DOC2A: variants seen among roughly 807,000 people sequenced by gnomAD.
The protein encoded by DOC2A is double C2 domain alpha, also known as double C2-like domain-containing protein alpha.
A neutral mutation model predicts 40.6 loss-of-function variants in DOC2A; 28 were observed. The observed-to-expected ratio is 0.69, with a 90% CI of 0.51 to 0.95. The LOEUF (loss-of-function observed/expected upper bound fraction) is 0.95, where lower values mean the gene tolerates loss of function less well. DOC2A is among the 40% of genes least tolerant of loss of function. DOC2A has a pLI of 0.00. For synonymous variants in DOC2A, 241 were observed against 236.9 expected, an observed-to-expected ratio of 1.02 and a Z score of -0.16; for missense variants, 474 against 552.5, an observed-to-expected ratio of 0.86 and a Z score of 1.42.
rs2070719734 is a variant in DOC2A at position 30,009,634 on chromosome 16, CTG to C, written c.263-79_263-78del. ...AGAGGCCAGCAGGTGGGCACTGGCT[CTG>C]TGTGTCTCTCTCTCTTGCCAGCCCG... is the stretch of plus-strand genomic sequence containing the variant. On this transcript the variant is annotated intron_variant, in intron 2 of 10. Transcript: ENST00000350119. The surrounding 1 kb of genome is among the most constrained non-coding windows in gnomAD (Gnocchi z 4.1). 2 of 1,286,004 alleles carry C rather than the reference CTG, an allele frequency of 1.6e-6. No homozygotes were observed. Among genetic ancestry groups the C allele is most frequent in the South Asian group, 1.3e-5 (1 of 78,784 alleles). The allele number at this position is 1,286,004 out of a possible 1,614,324, so 79.7% of individuals were successfully genotyped here.
Position 30,006,678 on chromosome 16 carries a change from C to G in DOC2A, c.879-1G>C. The G allele has an allele frequency of 1.2e-6, 2 of 1,613,716 alleles. No individual in the cohort carries two copies. The highest frequency in any genetic ancestry group is 1.7e-6 in the Non-Finnish European group (2 of 1,179,958). On this transcript the variant is annotated splice_acceptor_variant, in intron 8 of 10. Coordinates refer to ENST00000350119, the MANE Select transcript of DOC2A (RefSeq NM_003586.3). LOFTEE classifies it high-confidence loss of function. The surrounding 1 kb of genome is among the most constrained non-coding windows in gnomAD (Gnocchi z 6.2). ...CTTGTCCACATCGGGCCTCAGGTAC[C>G]TGGGGGTGGGGTGGAGGGAGACGAA...
At chr16:30,016,372 C>T (rs1018538244), upstream of DOC2A, among the ~76,000 whole-genome samples, 1 of 151,988 alleles carries the variant, frequency 6.6e-6, no homozygotes, top group Non-Finnish European at 1.5e-5. Flanking sequence ...TAAAGGCAAC[C>T]GTTAGGTTTC....
At chr16:30,013,615 A>AAAAAAAAAT (rs2070821067), upstream of DOC2A, 1 of 85,886 alleles carries the variant, frequency 1.2e-5, no homozygotes, top group Non-Finnish European at 3.0e-5. Context: ...AAAAAAAAAA[A>AAAAAAAAAT]AAAAAAAAAA....
Position 30,006,641 on chromosome 16 carries a change from A to G in DOC2A, c.915T>C (p.His305=). Residue 305 remains histidine, a synonymous_variant, in exon 9 of 11, where the codon CAT becomes CAC. Transcript: ENST00000350119. The surrounding 1 kb of genome is among the most constrained non-coding windows in gnomAD (Gnocchi z 6.2). ...GAGTCTTCTTCTTCACACACGTCTT[A>G]TGCTTGGATTTCTTGTCCACATCGG... ...LRPDVDKKSK[H]KTCVKKKTLN... 2 of 1,613,262 alleles carry G rather than the reference A, an allele frequency of 1.2e-6. No homozygotes were observed. Among genetic ancestry groups the G allele is most frequent in the Non-Finnish European group, 1.7e-6 (2 of 1,179,882 alleles).
chr16:30,008,903 T>C (rs2070695906), intron 5 of DOC2A, 93 bp downstream of exon 5: 7 of 884,676 alleles, frequency 7.9e-6, no homozygotes, highest in Middle Eastern at 3.2e-4. Flanking sequence ...ATCAGAGAGG[T>C]ACGGGCTTAA....
intron 1 of DOC2A, among the ~76,000 whole-genome samples, chr16:30,019,494 C>A (rs1490874427): frequency 6.6e-6 from 1 of 152,132 alleles, no homozygotes; most frequent in East Asian, 1.9e-4. Context: ...TGGAGTCCAG[C>A]CAGTGCGTAG....
chr16:30,009,421 C>T lies in DOC2A; in HGVS notation c.342+57G>A. 13 of 1,531,194 alleles carry T rather than the reference C, an allele frequency of 8.5e-6. No homozygotes were observed. The highest frequency in any genetic ancestry group is 1.2e-5 in the Non-Finnish European group (13 of 1,129,610). The allele number at this position is 1,531,194 out of a possible 1,614,324, so 94.9% of individuals were successfully genotyped here. A position where few individuals can be genotyped will look rare whatever the true frequency, so the allele number is the denominator to read the frequency against. On this transcript the variant is annotated intron_variant, in intron 3 of 10. Coordinates refer to ENST00000350119, the MANE Select transcript of DOC2A (RefSeq NM_003586.3). This position sits in a 1 kb window ranked among gnomAD's most constrained non-coding sequence, Gnocchi z 4.1. Reference sequence around the variant, plus strand: ...CCTGGGAAGGGAAGGAGGAATGGGCCCCCTCTGGGGGCTGCACGCAAACCG... The same window carrying T: ...CCTGGGAAGGGAAGGAGGAATGGGCTCCCTCTGGGGGCTGCACGCAAACCG...
rs1212381611 is a variant in DOC2A at position 30,007,054 on chromosome 16, C to T, written c.691G>A (p.Gly231Ser). The change falls in exon 7 of 11, where the codon GGC becomes AGC. Residue 231 changes from glycine (G) to serine (S), a missense_variant. Physicochemically the swap from Gly to Ser is moderately conservative, Grantham distance 56 (BLOSUM62 0). Coordinates refer to ENST00000350119, the MANE Select transcript of DOC2A (RefSeq NM_003586.3). Reference sequence around the variant, plus strand: ...ACCTCCTTCAGATAACAGGAGATGCCCCTCAGCGCCGCTGACATGGAAGAG... The same window carrying T: ...ACCTCCTTCAGATAACAGGAGATGCTCCTCAGCGCCGCTGACATGGAAGAG... ...SPSSMSAALR[G>S]ISCYLKELEQ... 2 of 1,613,898 alleles carry T rather than the reference C, an allele frequency of 1.2e-6. No individual in the cohort carries two copies. Among genetic ancestry groups the T allele is most frequent in the Non-Finnish European group, 8.5e-7 (1 of 1,179,952 alleles).
chr16:30,017,808 T>A, intron 1 of DOC2A, among the ~76,000 whole-genome samples: 1 of 148,116 alleles, frequency 6.8e-6, no homozygotes, highest in Non-Finnish European at 1.5e-5. Flanking sequence ...AATACAAAAA[T>A]AATTAAGTGG....
At position 30,006,995 on chromosome 16, in the gene DOC2A, AC is replaced by A; in HGVS notation, c.714+35del. ...TCAGCCTGGGCCCCTGCAGCCTCCC[AC>A]CCACATGCATCCCCATCCCCATGAG... On this transcript the variant is annotated intron_variant, in intron 7 of 10. Transcript: ENST00000350119. This position sits in a 1 kb window ranked among gnomAD's most constrained non-coding sequence, Gnocchi z 6.2. 1 of 1,613,332 alleles carries A rather than the reference AC, an allele frequency of 6.2e-7. No homozygotes were observed. Among genetic ancestry groups the A allele is most frequent in the Non-Finnish European group, 8.5e-7 (1 of 1,179,720 alleles).
At chr16:30,018,484 C>A (rs2070879358) in intron 1 of DOC2A, among the ~76,000 whole-genome samples, 2 of 152,016 alleles carry the variant, frequency 1.3e-5, no homozygotes, top group South Asian at 4.1e-4. Flanking sequence ...CCGAACCTGG[C>A]CTAACAGGTC....
chr16:30,016,165 C>T (rs1205270601), upstream of DOC2A, among the ~76,000 whole-genome samples: 1 of 146,374 alleles, frequency 6.8e-6, no homozygotes, highest in Non-Finnish European at 1.5e-5. Context: ...GTTCAAGCCT[C>T]AGCCTCCCAA....
At position 30,006,084 on chromosome 16, in the gene DOC2A, A is replaced by G. The variant is rs1417413180; in HGVS notation, c.*102T>C. The G allele has an allele frequency of 2.2e-6, 3 of 1,356,142 alleles. No homozygotes were observed. The highest frequency in any genetic ancestry group is 3.0e-6 in the Non-Finnish European group (3 of 1,009,356). The allele number at this position is 1,356,142 out of a possible 1,614,324, so 84.0% of individuals were successfully genotyped here. On this transcript the variant is annotated 3_prime_UTR_variant, in exon 11 of 11. Transcript: ENST00000350119. The surrounding 1 kb of genome is among the most constrained non-coding windows in gnomAD (Gnocchi z 6.2). The stretch of plus-strand genomic sequence containing the variant: ...GGAGACTCACAAAAATAGGTAGTGC[A>G]GGGTGGGGGCAGCCCACCCTGTGTA...
In DOC2A at chr16:30,006,496, T is replaced by G. The variant is rs2070595150; in HGVS notation, c.974A>C (p.Glu325Ala). Reference sequence around the variant, plus strand: ...GGTGGCCAGAGTGGAGAGCTCTATCTCGTAGAAAAACTCCTAGGGACAAGG... The same window carrying G: ...GGTGGCCAGAGTGGAGAGCTCTATCGCGTAGAAAAACTCCTAGGGACAAGG... ...NPEFNEEFFYEIELSTLATKT... is the reference protein window; with the variant it reads ...NPEFNEEFFYAIELSTLATKT... The change falls in exon 10 of 11, where the codon GAG becomes GCG. Residue 325 changes from glutamate (E) to alanine (A), a missense_variant. Coordinates refer to ENST00000350119, the MANE Select transcript of DOC2A (RefSeq NM_003586.3). This position sits in a 1 kb window ranked among gnomAD's most constrained non-coding sequence, Gnocchi z 6.2. The G allele has an allele frequency of 6.2e-7, 1 of 1,613,442 alleles. No individual in the cohort carries two copies. Among genetic ancestry groups the G allele is most frequent in the Non-Finnish European group, 8.5e-7 (1 of 1,179,894 alleles).
At position 30,005,856 on chromosome 16, in the gene DOC2A, T is replaced by G. The variant is rs1324941289; in HGVS notation, c.*330A>C. On this transcript the variant is annotated 3_prime_UTR_variant, in exon 11 of 11. Coordinates refer to ENST00000350119, the MANE Select transcript of DOC2A (RefSeq NM_003586.3). The stretch of plus-strand genomic sequence containing the variant: ...CTGAACCTCCCCTAATCCGACCTCC[T>G]CCCTGTTGGGGGAGAGGGACGGGGC... The G allele has an allele frequency of 1.5e-5, 7 of 476,494 alleles. No individual in the cohort carries two copies. In the East Asian group the frequency reaches 2.8e-4, roughly 19 times the overall value. The allele number at this position is 476,494 out of a possible 1,614,324, so 29.5% of individuals were successfully genotyped here.
intron 5 of DOC2A, chr16:30,008,460 G>A (rs1344391405): frequency 6.2e-6 from 1 of 162,394 alleles, no homozygotes; most frequent in African/African-American, 2.4e-5. Context: ...AGGAGTTGTG[G>A]AACTGGCCAG....
chr16:30,010,243 A>G lies in DOC2A; in HGVS notation c.-13-8T>C. ...CTCATGCAGCACCCCTGGCTAGGAG[A>G]GGGCGTGTGAGCCAGTGAGCCCATC... On this transcript the variant is annotated splice_region_variant and splice_polypyrimidine_tract_variant and intron_variant, in intron 1 of 10. Transcript: ENST00000350119. This position sits in a 1 kb window ranked among gnomAD's most constrained non-coding sequence, Gnocchi z 4.2. The G allele has an allele frequency of 1.2e-6, 2 of 1,612,596 alleles. No homozygotes were observed. Among genetic ancestry groups the G allele is most frequent in the Non-Finnish European group, 1.7e-6 (2 of 1,179,892 alleles).
At position 30,009,025 on chromosome 16, in the gene DOC2A, T is replaced by A; in HGVS notation, c.498A>T (p.Thr166=). ...GCACCTTGTGCGTGATGTCGTCATC[T>A]GTGATCCCGCTGTAAGTCAGGTCCT... The part of the protein sequence containing the change: ...WNEDLTYSGI[T]DDDITHKVLR... The change falls in exon 5 of 11, where the codon ACA becomes ACT. Residue 166 remains threonine (T), a synonymous_variant. Coordinates refer to ENST00000350119, the MANE Select transcript of DOC2A (RefSeq NM_003586.3). This position sits in a 1 kb window ranked among gnomAD's most constrained non-coding sequence, Gnocchi z 4.1. The A allele has an allele frequency of 6.2e-7, 1 of 1,613,934 alleles. No homozygotes were observed. Among genetic ancestry groups the A allele is most frequent in the Non-Finnish European group, 8.5e-7 (1 of 1,179,960 alleles).
At chr16:30,014,084 G>C (rs1335739329), upstream of DOC2A, among the ~76,000 whole-genome samples, 1 of 151,846 alleles carries the variant, frequency 6.6e-6, no homozygotes, top group Non-Finnish European at 1.5e-5. Flanking sequence ...CCAGAAGCAG[G>C]GGACCAGTTA....
Sources: gnomAD v4.1 joint callset for allele counts (sites outside exome capture counted in the v4.1 genomes callset) on GRCh38, gnomAD v4.1.1 for gene constraint, Gnocchi (gnomAD v3.1) non-coding constraint, MANE v1.5 for transcripts, NCBI Gene and HGNC (gene_info 2026-07-23, HGNC 2026-07-21) for gene names.